ALOX5: variants seen among roughly 807,000 people sequenced by gnomAD.
ALOX5 encodes the protein polyunsaturated fatty acid 5-lipoxygenase.
Under a neutral mutation model 87.9 loss-of-function variants are expected in ALOX5, and 64 were observed. That is an observed-to-expected ratio of 0.73 (90% CI 0.60 to 0.90). The LOEUF is 0.90. Among genes scored for constraint, ALOX5 ranks in the 40% least tolerant of loss-of-function variants. The pLI is 0.00. For synonymous variants in ALOX5, 388 were observed against 355.1 expected (o/e 1.09, Z -1.04); for missense variants, 822 against 907.5 (o/e 0.91, Z 1.21).
intron 12 of ALOX5, 90 bp downstream of exon 12, chr10:45,443,918 CG>C: frequency 6.8e-7 from 1 of 1,469,702 alleles, no homozygotes; most frequent in Non-Finnish European, 9.2e-7. Flanking sequence ...ACTGCACCCT[CG>C]GACAGCCTCG....
intron 7 of ALOX5, among the ~76,000 whole-genome samples, chr10:45,432,402 C>A (rs1407943975): frequency 1.3e-5 from 2 of 151,272 alleles, no homozygotes; most frequent in Non-Finnish European, 2.9e-5. Flanking sequence ...AGAAGGAACA[C>A]TTTCCTTGCT....
intron 3 of ALOX5, among the ~76,000 whole-genome samples, chr10:45,404,206 C>T (rs1840797618): frequency 6.6e-6 from 1 of 152,160 alleles, no homozygotes; most frequent in Non-Finnish European, 1.5e-5. Context: ...TTTCAGAAAC[C>T]CTCCTTTGCT....
intron 4 of ALOX5, among the ~76,000 whole-genome samples, chr10:45,423,252 T>C (rs1294528052): frequency 6.6e-6 from 1 of 152,222 alleles, no homozygotes; most frequent in Non-Finnish European, 1.5e-5. Flanking sequence ...TGGGCAGTGA[T>C]TGAGCACTGA....
intron 3 of ALOX5, among the ~76,000 whole-genome samples, chr10:45,399,200 A>G (rs1026946373): frequency 1.3e-5 from 2 of 152,232 alleles, no homozygotes; most frequent in African/African-American, 4.8e-5. Flanking sequence ...GTCACAAAAG[A>G]TCATATATTG....
At position 45,414,187 on chromosome 10, in the gene ALOX5, A is replaced by G. The variant is rs138707426; in HGVS notation, c.554+1874A>G. Among the ~76,000 whole-genome samples the G allele has an allele frequency of 6.6e-3, 1,006 of 152,346 alleles. 12 individuals are homozygous for G. Among genetic ancestry groups the G allele is most frequent in the African/African-American group, 0.023 (972 of 41,570 alleles). On this transcript the variant is annotated intron_variant, in intron 4 of 13. Transcript: ENST00000374391. ...GCATCATGCTACCTGACTTCAAACC[A>G]TACTACGAGGCTACAGTAACCAAAA...
chr10:45,443,010 G>A (rs756199477), intron 9 of ALOX5, 28 bp from the exon 10 acceptor site: 2 of 1,598,830 alleles, frequency 1.3e-6, no homozygotes, highest in Non-Finnish European at 1.7e-6. Context: ...GGAGCCACCC[G>A]CTCAGGGCAC....
In ALOX5 at chr10:45,391,557, G is replaced by A. The variant is rs369363526; in HGVS notation, c.350-4298G>A. On this transcript the variant is annotated intron_variant, in intron 2 of 13. Coordinates refer to ENST00000374391, the MANE Select transcript of ALOX5 (RefSeq NM_000698.5). ...GAGCGTCTCTGCCTGGCCACCCATC[G>A]TCTGGGATGTAAGGAGCCCCTCTGC... Among the ~76,000 whole-genome samples the A allele has an allele frequency of 4.6e-3, 693 of 150,540 alleles. 7 individuals are homozygous for A. The highest frequency in any genetic ancestry group is 0.02 in the South Asian group (94 of 4,730).
At position 45,441,377 on chromosome 10, in the gene ALOX5, A is replaced by G; in HGVS notation, c.1219A>G (p.Ile407Val). 1 of 1,613,696 alleles carries G rather than the reference A, an allele frequency of 6.2e-7. No homozygotes were observed. The highest frequency in any genetic ancestry group is 8.5e-7 in the Non-Finnish European group (1 of 1,179,750). ...LVAHVRFTIA[I>V]NTKAREQLIC... ...GGCACACGTGAGATTCACCATTGCA[A>G]TCAACACCAAGGCCCGTGAGCAGCT... Residue 407 changes from isoleucine (I) to valine (V), a missense_variant, in exon 9 of 14, where the codon ATC (isoleucine) becomes GTC (valine). Physicochemically the swap from Ile to Val is conservative, Grantham distance 29. Transcript: ENST00000374391.
intron 7 of ALOX5, among the ~76,000 whole-genome samples, chr10:45,437,368 A>C (rs976492785): frequency 1.1e-4 from 16 of 152,342 alleles, no homozygotes; most frequent in Admixed American, 5.9e-4. Context: ...AAGAAATGCT[A>C]CTGATTTTTG....
chr10:45,408,593 C>T (rs554645680), intron 3 of ALOX5, among the ~76,000 whole-genome samples: 22 of 151,898 alleles, frequency 1.4e-4, no homozygotes, highest in African/African-American at 4.9e-4. Context: ...TTCTAATGGG[C>T]TTAACATCTC....
Position 45,443,554 on chromosome 10 carries a change from G to C in ALOX5, c.1573+17G>C. 6.2e-7 allele frequency: 1 copy of C among 1,606,972 alleles called. No individual in the cohort carries two copies. On this transcript the variant is annotated intron_variant, in intron 11 of 13. Coordinates refer to ENST00000374391, the MANE Select transcript of ALOX5 (RefSeq NM_000698.5). ...AGTCCTCAGGTAGGGCCTCCGGGAC[G>C]TCTCCGGACCCGGCTCCCCCGCAGT...
intron 4 of ALOX5, among the ~76,000 whole-genome samples, chr10:45,413,107 C>T (rs1841130991): frequency 6.6e-6 from 1 of 152,162 alleles, no homozygotes; most frequent in Non-Finnish European, 1.5e-5. Flanking sequence ...CCAGCATCAT[C>T]CCGATACCAA....
chr10:45,420,477 C>A (rs139955565), intron 4 of ALOX5, among the ~76,000 whole-genome samples: 1 of 152,366 alleles, frequency 6.6e-6, no homozygotes, highest in East Asian at 1.9e-4. Context: ...AGCAGTGGTT[C>A]TCAAAGTATA....
chr10:45,437,625 C>A (rs950087878), intron 7 of ALOX5, among the ~76,000 whole-genome samples: 1 of 152,232 alleles, frequency 6.6e-6, no homozygotes, highest in Admixed American at 6.5e-5. Context: ...CATGTCCCAG[C>A]TTGCAGCCCA....
chr10:45,391,757 G>T (rs1036765739), intron 2 of ALOX5, among the ~76,000 whole-genome samples: 3 of 151,700 alleles, frequency 2.0e-5, no homozygotes, highest in African/African-American at 7.3e-5. Flanking sequence ...ACCCTGTCTG[G>T]GAGGTGAGGA....
At chr10:45,420,235 G>C (rs1841453633) in intron 4 of ALOX5, among the ~76,000 whole-genome samples, 1 of 152,190 alleles carries the variant, frequency 6.6e-6, no homozygotes, top group Non-Finnish European at 1.5e-5. Flanking sequence ...TATGAAATCA[G>C]GGATGTGTCC....
chr10:45,409,569 TTCTC>T (rs374670021), intron 3 of ALOX5, among the ~76,000 whole-genome samples: 3,348 of 124,872 alleles, frequency 0.027, 94 homozygotes, highest in African/African-American at 0.064. Flanking sequence ...CTCTCTCTCT[TTCTC>T]TCTCTCTCTC....
intron 1 of ALOX5, among the ~76,000 whole-genome samples, chr10:45,380,350 A>G (rs1839783254): frequency 6.6e-6 from 1 of 152,220 alleles, no homozygotes; most frequent in Admixed American, 6.5e-5. Context: ...TAGACTACAG[A>G]GCACAGGGAG....
chr10:45,394,184 A>G (rs1421107060), intron 2 of ALOX5, among the ~76,000 whole-genome samples: 2 of 152,240 alleles, frequency 1.3e-5, no homozygotes, highest in Non-Finnish European at 2.9e-5. Flanking sequence ...TGGAGGCATC[A>G]TGCTACCTGA....
Sources: allele counts gnomAD v4.1 joint callset (sites outside exome capture counted in the v4.1 genomes callset), GRCh38; gene constraint gnomAD v4.1.1; transcripts MANE v1.5; gene names NCBI Gene and HGNC (gene_info 2026-07-23, HGNC 2026-07-21).